The following BRD7 variants were observed in gnomAD, a reference collection of about 807,000 sequenced individuals.
The protein encoded by BRD7 is bromodomain containing 7, also known as bromodomain-containing protein 7.
BRD7 carries 15 observed loss-of-function variants against 82.1 expected under a neutral mutation model. That is an observed-to-expected ratio of 0.18 (90% CI 0.12 to 0.28). BRD7 has a LOEUF of 0.28. BRD7 is among the 10% of genes least tolerant of loss of function. The pLI, the probability that BRD7 is intolerant of heterozygous loss-of-function variation, is 1.00. For missense variants in BRD7, 638 were observed against 779.9 expected (o/e 0.82, Z 2.17); for synonymous variants, 232 against 266.9 (o/e 0.87, Z 1.27).
chr16:50,320,903 T>C, intron 13 of BRD7, 129 bp from the exon 14 acceptor site: 6 of 674,720 alleles, frequency 8.9e-6, no homozygotes, highest in Non-Finnish European at 1.3e-5. Flanking sequence ...AGTCCTAATT[T>C]TGATGCTTAC....
intron 1 of BRD7, 33 bp downstream of exon 1, chr16:50,368,693 G>T: frequency 6.6e-7 from 1 of 1,524,536 alleles, no homozygotes; most frequent in Non-Finnish European, 8.8e-7. Context: ...AGCCGCCGAG[G>T]GCCCGCCGCC....
chr16:50,324,623 A>G (rs1254686568), intron 11 of BRD7, among the ~76,000 whole-genome samples: 1 of 152,236 alleles, frequency 6.6e-6, no homozygotes, highest in Non-Finnish European at 1.5e-5. Flanking sequence ...TCTTTCAGGT[A>G]GCAGCCTTGC....
Position 50,333,564 on chromosome 16 carries a change from G to A in BRD7, c.1011+10C>T, listed in dbSNP as rs142517484. 8.5e-5 allele frequency: 137 copies of A among 1,607,772 alleles called. No individual in the cohort carries two copies. The East Asian group carries it at 2.9e-3, about 33-fold the overall frequency. ...GTAGGTAGAGAAAAGAAAAGGCAAA[G>A]CTCAATCACCTGACTGTTCACAAGC... On this transcript the variant is annotated intron_variant, in intron 8 of 16. Transcript: ENST00000394688.
At chr16:50,323,518 A>G in intron 12 of BRD7, 69 bp downstream of exon 12, 5 of 1,260,054 alleles carry the variant, frequency 4.0e-6, no homozygotes, top group Non-Finnish European at 5.8e-6. Flanking sequence ...CCATGGTTTC[A>G]TTATACTGAA....
chr16:50,367,814 C>A (rs753042030), intron 2 of BRD7, among the ~76,000 whole-genome samples: 1 of 152,194 alleles, frequency 6.6e-6, no homozygotes, highest in Non-Finnish European at 1.5e-5. Flanking sequence ...TTTTACCCTG[C>A]CTAGATGGAA....
chr16:50,344,999 G>A (rs1272254388), intron 5 of BRD7, among the ~76,000 whole-genome samples: 1 of 152,198 alleles, frequency 6.6e-6, no homozygotes, highest in Non-Finnish European at 1.5e-5. Flanking sequence ...AGGAAAAAAT[G>A]TTAAGGGCAG....
At chr16:50,367,818 G>A (rs2039204968) in intron 2 of BRD7, among the ~76,000 whole-genome samples, 1 of 152,148 alleles carries the variant, frequency 6.6e-6, no homozygotes, top group African/African-American at 2.4e-5. Context: ...ACCCTGCCTA[G>A]ATGGAAAAAC....
intron 2 of BRD7, among the ~76,000 whole-genome samples, chr16:50,362,607 A>G (rs1278162812): frequency 6.6e-6 from 1 of 152,254 alleles, no homozygotes; most frequent in African/African-American, 2.4e-5. Context: ...ATGGAGTAGC[A>G]ATTAGCCTTA....
At chr16:50,319,798 G>A (rs1444558336) in intron 16 of BRD7, 89 bp downstream of exon 16, 16 of 1,499,964 alleles carry the variant, frequency 1.1e-5, no homozygotes, top group East Asian at 2.3e-5. Flanking sequence ...TACCAAATCC[G>A]AGGTCCTGAT....
chr16:50,351,825 T>A (rs1237745974), intron 4 of BRD7, among the ~76,000 whole-genome samples: 1 of 89,764 alleles, frequency 1.1e-5, no homozygotes, highest in African/African-American at 6.0e-5. Context: ...GATACTTCGG[T>A]GTATCCTTGT....
chr16:50,362,385 T>A (rs184548349), intron 2 of BRD7, among the ~76,000 whole-genome samples: 26 of 152,354 alleles, frequency 1.7e-4, no homozygotes, highest in Non-Finnish European at 2.6e-4. Context: ...TTAACCTCCC[T>A]GAGCCTCAAT....
intron 4 of BRD7, among the ~76,000 whole-genome samples, chr16:50,353,045 CA>C (rs1567283202): frequency 6.8e-6 from 1 of 147,372 alleles, no homozygotes; most frequent in Admixed American, 6.8e-5. Context: ...TCTCAAACAC[CA>C]AAAAAGAAGA....
intron 5 of BRD7, among the ~76,000 whole-genome samples, 186 bp downstream of exon 5, chr16:50,349,837 A>T (rs546020915): frequency 6.6e-6 from 1 of 152,372 alleles, no homozygotes; most frequent in African/African-American, 2.4e-5. Flanking sequence ...AAGATATCAG[A>T]GGACCTATTT....
chr16:50,349,437 GAA>G, intron 5 of BRD7: 2 of 259,678 alleles, frequency 7.7e-6, no homozygotes, highest in South Asian at 6.8e-5. Flanking sequence ...AAAAAAAAAA[GAA>G]AGTGTGTAGC....
chr16:50,345,051 C>G (rs569272330), intron 5 of BRD7, among the ~76,000 whole-genome samples: 29 of 152,312 alleles, frequency 1.9e-4, no homozygotes, highest in African/African-American at 7.0e-4. Flanking sequence ...GGAAGCCCAT[C>G]AGACTAACAG....
intron 5 of BRD7, among the ~76,000 whole-genome samples, chr16:50,340,988 C>T (rs376721427): frequency 6.6e-5 from 10 of 152,110 alleles, no homozygotes; most frequent in African/African-American, 2.2e-4. Flanking sequence ...GGTTAGAACA[C>T]TTAAATAGAA....
chr16:50,365,060 T>G (rs991729825), intron 2 of BRD7, among the ~76,000 whole-genome samples: 1 of 152,180 alleles, frequency 6.6e-6, no homozygotes, highest in Non-Finnish European at 1.5e-5. Context: ...TACTCCCGTA[T>G]GCAGAGAGGT....
At chr16:50,354,535 G>T in intron 3 of BRD7, 53 bp from the exon 4 acceptor site, 1 of 1,440,276 alleles carries the variant, frequency 6.9e-7, no homozygotes, top group Non-Finnish European at 9.6e-7. Context: ...ATTCTAGAGA[G>T]TATTATTTAC....
chr16:50,355,042 C>T, intron 2 of BRD7, 120 bp from the exon 3 acceptor site: 1 of 1,236,784 alleles, frequency 8.1e-7, no homozygotes, highest in Non-Finnish European at 1.1e-6. Context: ...ATAACAAGCT[C>T]AATGTACTTT....
Sources: allele counts gnomAD v4.1 joint callset (sites outside exome capture counted in the v4.1 genomes callset), GRCh38; gene constraint gnomAD v4.1.1; transcripts MANE v1.5; gene names NCBI Gene and HGNC (gene_info 2026-07-23, HGNC 2026-07-21).